Variants in CEP72 observed in about 807,000 individuals in gnomAD.
The protein encoded by CEP72 is centrosomal protein 72.
Under a neutral mutation model 65.7 loss-of-function variants are expected in CEP72, and 78 were observed. The ratio of observed to expected loss-of-function variants is 1.19; its 90% CI spans 0.99 to 1.43. CEP72 has a LOEUF of 1.43. Ranked by LOEUF, CEP72 falls within the 40% of genes most tolerant of loss-of-function variation. CEP72 has a pLI of 0.00. For missense variants in CEP72, 914 were observed against 832.9 expected (o/e 1.10, Z -1.20); for synonymous variants, 358 against 351.7 (o/e 1.02, Z -0.20).
intron 2 of CEP72, 93 bp downstream of exon 2, chr5:619,210 T>C: frequency 8.4e-7 from 1 of 1,195,100 alleles, no homozygotes; most frequent in Non-Finnish European, 1.2e-6. Context: ...TGTAACCCTC[T>C]GCTTACATCT....
Position 623,164 on chromosome 5 carries a change from T to A in CEP72, c.404-1307T>A, listed in dbSNP as rs564561106. 8.6e-5 allele frequency among the ~76,000 whole-genome samples: 13 copies of A among 151,894 alleles called. No homozygotes were observed. Among genetic ancestry groups the A allele is most frequent in the Non-Finnish European group, 1.5e-4 (10 of 68,000 alleles). On this transcript the variant is annotated intron_variant, in intron 3 of 11. Coordinates refer to ENST00000264935, the MANE Select transcript of CEP72 (RefSeq NM_018140.4). The surrounding 1 kb of genome is among the most constrained non-coding windows in gnomAD (Gnocchi z 5.3). ...AGGAGCGCAGCCGTCTCCCTCTTAGTGTTTCTGCAGAGAAGGAGCGCGACC... is the reference window on the plus strand; with the variant it reads ...AGGAGCGCAGCCGTCTCCCTCTTAGAGTTTCTGCAGAGAAGGAGCGCGACC...
At chr5:632,814 C>A (rs67322759) in intron 4 of CEP72, among the ~76,000 whole-genome samples, 6 of 45,434 alleles carry the variant, frequency 1.3e-4, no homozygotes, top group South Asian at 8.5e-4. Flanking sequence ...CGGGATTTGG[C>A]CCAGTCCTGG....
In CEP72 at chr5:635,549, C is replaced by T. The variant is rs1257847386; in HGVS notation, c.869C>T (p.Ala290Val). The T allele has an allele frequency of 3.7e-6, 6 of 1,613,594 alleles. No homozygotes were observed. The highest frequency in any genetic ancestry group is 5.1e-6 in the Non-Finnish European group (6 of 1,179,698). ...LYGAEPEASRAPRPHTYFTPH... is the reference protein window; with the variant it reads ...LYGAEPEASRVPRPHTYFTPH... ...GGAGCGGAGCCAGAGGCCTCCCGTG[C>T]CCCCAGGCCACACACGTACTTCACC... The change falls in exon 6 of 12, where the codon GCC (alanine) becomes GTC (valine). Residue 290 changes from alanine to valine, a missense_variant. Physicochemically the swap from Ala to Val is moderately conservative, Grantham distance 64. Coordinates refer to ENST00000264935, the MANE Select transcript of CEP72 (RefSeq NM_018140.4).
chr5:649,742 C>CATGGACT (rs1738811937), intron 11 of CEP72, among the ~76,000 whole-genome samples: 1 of 34,492 alleles, frequency 2.9e-5, no homozygotes, highest in African/African-American at 3.1e-4. Context: ...GACTGTGAGG[C>CATGGACT]GTGGACTGTG....
chr5:629,438 ATTC>A (rs1425659933), intron 4 of CEP72, among the ~76,000 whole-genome samples: 1 of 91,032 alleles, frequency 1.1e-5, no homozygotes, highest in Non-Finnish European at 2.4e-5. Context: ...TCCTGGTGGG[ATTC>A]TGTCCAGTGC....
At chr5:675,062 G>C in the CEP72 span, among the ~76,000 whole-genome samples, 7 of 100,420 alleles carry the variant, frequency 7.0e-5, no homozygotes, top group Non-Finnish European at 6.4e-5. Context: ...TGGGGGTGCA[G>C]TGTGGCCAGG....
At chr5:629,719 C>T (rs1461282332) in intron 4 of CEP72, among the ~76,000 whole-genome samples, 1 of 44,164 alleles carries the variant, frequency 2.3e-5, no homozygotes, top group Non-Finnish European at 3.6e-5. Context: ...GGGTTCTGTC[C>T]AGTGCCGGGA....
chr5:675,249 G>T, the CEP72 span, among the ~76,000 whole-genome samples: 1 of 92,990 alleles, frequency 1.1e-5, no homozygotes, highest in African/African-American at 4.9e-5. Flanking sequence ...AGTGCAGGGG[G>T]TACAGTGTGG....
At chr5:618,932 G>A (rs539473646) in intron 1 of CEP72, 58 bp from the exon 2 acceptor site, 64 of 1,389,554 alleles carry the variant, frequency 4.6e-5, no homozygotes, top group African/African-American at 2.3e-4. Flanking sequence ...GAACTTGACC[G>A]TTATTATAAT....
chr5:653,578 C>T (rs1739249617), downstream of CEP72: 1 of 153,448 alleles, frequency 6.5e-6, no homozygotes, highest in African/African-American at 2.4e-5. Flanking sequence ...TGGCTGTATA[C>T]AAATTATAAC....
chr5:669,315 GC>G (rs1322617347), downstream of CEP72, among the ~76,000 whole-genome samples: 1 of 151,416 alleles, frequency 6.6e-6, no homozygotes, highest in Non-Finnish European at 1.5e-5. Flanking sequence ...CAGCTCTGTG[GC>G]GTGGGGGTCC....
chr5:644,448 C>G, intron 10 of CEP72, 23 bp downstream of exon 10: 1 of 1,612,108 alleles, frequency 6.2e-7, no homozygotes, highest in Non-Finnish European at 8.5e-7. Context: ...TGTATTTGGT[C>G]ACTTTGTAAA....
At chr5:656,959 G>A (rs1264051215), downstream of CEP72, 1 of 152,086 alleles carries the variant, frequency 6.6e-6, no homozygotes, top group Admixed American at 6.5e-5. Flanking sequence ...CTCAAGAATG[G>A]ATGACTTTTA....
chr5:668,795 G>A (rs995314671), downstream of CEP72, among the ~76,000 whole-genome samples: 1 of 152,212 alleles, frequency 6.6e-6, no homozygotes, highest in Non-Finnish European at 1.5e-5. Context: ...TTCAGCAGCG[G>A]CCAGACCACA....
intron 9 of CEP72, chr5:640,848 G>A (rs1455099180): frequency 4.1e-6 from 4 of 985,348 alleles, no homozygotes; most frequent in South Asian, 9.4e-5. Flanking sequence ...CGGGCCCAAG[G>A]GACCCTCCAC....
chr5:643,095 TC>T (rs1738166946), intron 9 of CEP72: 1 of 979,802 alleles, frequency 1.0e-6, no homozygotes, highest in Non-Finnish European at 1.2e-6. Flanking sequence ...ACTCCTGTCA[TC>T]CCAGCTATTT....
At chr5:670,556 C>T (rs1223222517), downstream of CEP72, among the ~76,000 whole-genome samples, 1 of 152,120 alleles carries the variant, frequency 6.6e-6, no homozygotes, top group African/African-American at 2.4e-5. Context: ...CTGCTGGGCC[C>T]CACGGGGGGA....
downstream of CEP72, among the ~76,000 whole-genome samples, chr5:657,864 C>T (rs935611263): frequency 2.0e-5 from 3 of 152,168 alleles, no homozygotes; most frequent in South Asian, 2.1e-4. Flanking sequence ...TGAAGTTGGA[C>T]GTTGTGTGAG....
At chr5:627,388 C>T (rs540252876) in intron 4 of CEP72, among the ~76,000 whole-genome samples, 7 of 146,610 alleles carry the variant, frequency 4.8e-5, no homozygotes, top group Admixed American at 1.4e-4. Context: ...TTGCATGTTA[C>T]GAATTTTGAA....
Sources: gnomAD v4.1 joint callset for allele counts (sites outside exome capture counted in the v4.1 genomes callset) on GRCh38, gnomAD v4.1.1 for gene constraint, Gnocchi (gnomAD v3.1) non-coding constraint, MANE v1.5 for transcripts, NCBI Gene and HGNC (gene_info 2026-07-23, HGNC 2026-07-21) for gene names.